Variants in DOK7 observed in about 807,000 individuals in gnomAD.
DOK7 encodes the protein protein Dok-7.
A neutral mutation model predicts 30.7 loss-of-function variants in DOK7; 32 were observed. The ratio of observed to expected loss-of-function variants is 1.04; its 90% CI spans 0.79 to 1.40. DOK7 has a LOEUF of 1.40. DOK7 is among the 40% of genes most tolerant of loss of function. DOK7 has a pLI of 0.00. For missense variants in DOK7, 1,007 were observed against 699.2 expected, an observed-to-expected ratio of 1.44 and a Z score of -4.97; for synonymous variants, 447 against 324.1, an observed-to-expected ratio of 1.38 and a Z score of -4.07.
At position 3,494,448 on chromosome 4, in the gene DOK7, T is replaced by C; in HGVS notation, c.*947T>C. On this transcript the variant is annotated 3_prime_UTR_variant, in exon 7 of 7. Transcript: ENST00000340083. ...AGCTGTTTCTAAACCCAGACACTGT[T>C]TGTAATAGACTGGAAATAAAATGTT... The C allele has an allele frequency of 1.0e-6, 1 of 978,808 alleles. No individual in the cohort carries two copies. Among genetic ancestry groups the C allele is most frequent in the Non-Finnish European group, 1.2e-6 (1 of 829,232 alleles). 60.6% of individuals were successfully genotyped at this position (978,808 alleles called of 1,614,324 possible).
At chr4:3,473,285 G>A in intron 2 of DOK7, 121 bp from the exon 3 acceptor site, 1 of 914,782 alleles carries the variant, frequency 1.1e-6, no homozygotes, top group Non-Finnish European at 1.7e-6. Flanking sequence ...GCATGGCTGA[G>A]TGGCTGGCTT....
Position 3,468,540 on chromosome 4 carries a change from ATGTG to A in DOK7, c.101-4859_101-4856del, listed in dbSNP as rs763888078. 7.0e-4 allele frequency among the ~76,000 whole-genome samples: 65 copies of A among 93,184 alleles called. 1 individual carries two copies. In the Middle Eastern group the frequency reaches 0.027, roughly 38 times the overall value. The allele number at this position is 93,184 out of a possible 152,430, so 61.1% of individuals were successfully genotyped here. The stretch of plus-strand genomic sequence containing the variant: ...TATGAGTGTGTGTGACTGTGAGTGT[ATGTG>A]TGTGTGCCTGTGTGAGCATGTATGA... On this transcript the variant is annotated intron_variant, in intron 2 of 6. Transcript: ENST00000340083.
intron 4 of DOK7, among the ~76,000 whole-genome samples, chr4:3,479,392 C>T (rs1560215115): frequency 1.3e-5 from 2 of 152,180 alleles, no homozygotes; most frequent in African/African-American, 4.8e-5. Context: ...ACCATTTGGC[C>T]GACAACTGGG....
chr4:3,489,750 G>A lies in DOK7; in HGVS notation c.726G>A (p.Glu242=). Residue 242 remains glutamate, a synonymous_variant, in exon 6 of 7, where the codon GAG becomes GAA. Transcript: ENST00000340083. ...AQEALETLQL[E]KRLSLLSHAG... is the part of the protein sequence containing the mutation. ...AAGCCCTGGAAACCCTACAGCTGGA[G>A]AAGCGGCTGAGCCTCCTCTCACATG... 1 of 1,570,950 alleles carries A rather than the reference G, an allele frequency of 6.4e-7. No homozygotes were observed. Among genetic ancestry groups the A allele is most frequent in the Non-Finnish European group, 8.6e-7 (1 of 1,157,988 alleles).
chr4:3,500,571 C>G, intron 7 of DOK7: 1 of 1,503,478 alleles, frequency 6.7e-7, no homozygotes, highest in Non-Finnish European at 8.9e-7. Context: ...GGCCACATCC[C>G]CTGAGGGTGT....
downstream of DOK7, among the ~76,000 whole-genome samples, chr4:3,498,105 G>C (rs1729010960): frequency 6.6e-6 from 1 of 152,192 alleles, no homozygotes; most frequent in African/African-American, 2.4e-5. Context: ...CCAAGTGGTA[G>C]CGTCGGGCTG....
In DOK7 at chr4:3,493,518, C is replaced by A. The variant is rs1728689311; in HGVS notation, c.*17C>A. The stretch of plus-strand genomic sequence containing the variant: ...CCTCCTTGAGAGCCGCAGATCCCGC[C>A]CCGCGGCTGCAAAGGGGCTGAATTT... On this transcript the variant is annotated 3_prime_UTR_variant, in exon 7 of 7. Coordinates refer to ENST00000340083, the MANE Select transcript of DOK7 (RefSeq NM_173660.5). The A allele has an allele frequency of 2.5e-6, 4 of 1,608,642 alleles. No homozygotes were observed. The East Asian group carries it at 9.0e-5, about 36-fold the overall frequency.
intron 2 of DOK7, 45 bp from the exon 3 acceptor site, chr4:3,473,361 G>A (rs766410767): frequency 1.6e-5 from 26 of 1,594,894 alleles, no homozygotes; most frequent in Non-Finnish European, 2.1e-5. Flanking sequence ...AAGGGTGCGG[G>A]CAGGCGGTGT....
chr4:3,500,116 G>A (rs1213822793), intron 6 of DOK7: 19 of 1,074,242 alleles, frequency 1.8e-5, no homozygotes, highest in East Asian at 5.2e-5. Context: ...AACATGGAGC[G>A]GGAACTTCCA....
At position 3,473,483 on chromosome 4, in the gene DOK7, G is replaced by C; in HGVS notation, c.178G>C (p.Glu60Gln). 1 of 1,611,234 alleles carries C rather than the reference G, an allele frequency of 6.2e-7. No homozygotes were observed. The highest frequency in any genetic ancestry group is 1.7e-5 in the Admixed American group (1 of 60,028). The change falls in exon 3 of 7, where the codon GAG (glutamate) becomes CAG (glutamine). Residue 60 changes from glutamate (E) to glutamine (Q), a missense_variant. Glu to Gln is a conservative substitution (Grantham distance 29). Transcript: ENST00000340083. Reference protein sequence around the residue: ...GLRERSSLTLEDICGLEPGLP... With the variant: ...GLRERSSLTLQDICGLEPGLP... ...GCGGGAGCGCAGCAGCCTGACGCTA[G>C]AGGACATCTGCGGGCTGGAGCCCGG...
downstream of DOK7, chr4:3,494,568 G>A (rs544063402): frequency 2.7e-4 from 265 of 967,466 alleles, no homozygotes; most frequent in Middle Eastern, 5.3e-4. Context: ...CGAAGTCCCC[G>A]GGCCCGGCTT....
chr4:3,493,969 GCCACCTGGGCT>G lies in DOK7; in HGVS notation c.*474_*484del, dbSNP rs1023078018. 10 of 993,486 alleles carry G rather than the reference GCCACCTGGGCT, an allele frequency of 1.0e-5. No individual in the cohort carries two copies. The African/African-American group carries it at 1.8e-4, about 18-fold the overall frequency. The allele number at this position is 993,486 out of a possible 1,614,324, so 61.5% of individuals were successfully genotyped here. A position where few individuals can be genotyped will look rare whatever the true frequency, so the allele number is the denominator to read the frequency against. On this transcript the variant is annotated 3_prime_UTR_variant, in exon 7 of 7. Transcript: ENST00000340083. ...GCATCAAGCTACCACAGAGGCTCCG[GCCACCTGGGCT>G]CCACCAGCCCAGCCCCCCTGGGCTC...
At chr4:3,496,571 G>A (rs1442440999), downstream of DOK7, among the ~76,000 whole-genome samples, 1 of 152,228 alleles carries the variant, frequency 6.6e-6, no homozygotes, top group Admixed American at 6.5e-5. Flanking sequence ...GCTCCCCCAT[G>A]GGTGGTTATG....
At chr4:3,490,448 C>CCTGCTCATTCCTTTCTTCTCCCT (rs1728239868) in intron 6 of DOK7, among the ~76,000 whole-genome samples, 1 of 101,616 alleles carries the variant, frequency 9.8e-6, no homozygotes, top group African/African-American at 4.2e-5. Flanking sequence ...TCATTTCTCT[C>CCTGCTCATTCCTTTCTTCTCCCT]CTGCTCATTC....
At chr4:3,487,000 A>C (rs1052146303) in intron 5 of DOK7, among the ~76,000 whole-genome samples, 1 of 151,998 alleles carries the variant, frequency 6.6e-6, no homozygotes, top group African/African-American at 2.4e-5. Flanking sequence ...CAGCCACTAG[A>C]TGGGACAGGC....
chr4:3,488,980 C>T (rs866868357), intron 5 of DOK7, among the ~76,000 whole-genome samples: 4 of 152,188 alleles, frequency 2.6e-5, no homozygotes, highest in Non-Finnish European at 4.4e-5. Context: ...TGCTGAGGCT[C>T]GCAGCAGCGG....
rs1344117952 is a variant in DOK7, at chr4:3,491,318, C to G, written c.773-1441C>G. On this transcript the variant is annotated intron_variant, in intron 6 of 6. Coordinates refer to ENST00000340083, the MANE Select transcript of DOK7 (RefSeq NM_173660.5). The stretch of plus-strand genomic sequence containing the variant: ...CCGCTCATTCATTCCTGCCTTCTCC[C>G]CCTGCTCATTCATTCCTTCCTTCTT... Among the ~76,000 whole-genome samples, 85 of 129,026 alleles carry G rather than the reference C, an allele frequency of 6.6e-4. 1 individual carries two copies. The highest frequency in any genetic ancestry group is 2.0e-3 in the African/African-American group (69 of 34,894). 84.6% of individuals were successfully genotyped at this position (129,026 alleles called of 152,430 possible). A position where few individuals can be genotyped will look rare whatever the true frequency, so the allele number is the denominator to read the frequency against.
chr4:3,463,379 A>G lies in DOK7; in HGVS notation c.4A>G (p.Thr2Ala). ...CGGCGCGGAACCATGACAGAAGATG[A>G]CCGAGGCGGCGCTGGTGGAGGGCCA... Reference protein sequence around the residue: MTEAALVEGQVK... With the variant: MAEAALVEGQVK... The change falls in exon 1 of 7, where the codon ACC becomes GCC. Residue 2 changes from threonine (T) to alanine (A), a missense_variant. Thr to Ala is a moderately conservative substitution (Grantham distance 58). Coordinates refer to ENST00000340083, the MANE Select transcript of DOK7 (RefSeq NM_173660.5). The G allele has an allele frequency of 1.4e-6, 2 of 1,446,104 alleles. No homozygotes were observed. The highest frequency in any genetic ancestry group is 2.6e-5 in the Admixed American group (1 of 38,948). The allele number at this position is 1,446,104 out of a possible 1,614,324, so 89.6% of individuals were successfully genotyped here.
At chr4:3,464,169 C>T (rs1420504508) in intron 2 of DOK7, among the ~76,000 whole-genome samples, 2 of 152,150 alleles carry the variant, frequency 1.3e-5, no homozygotes, top group Admixed American at 6.5e-5. Context: ...AGGGCTGAGC[C>T]GGGCCTGCAG....
Sources: gnomAD v4.1 joint callset for allele counts (sites outside exome capture counted in the v4.1 genomes callset) on GRCh38, gnomAD v4.1.1 for gene constraint, MANE v1.5 for transcripts, NCBI Gene and HGNC (gene_info 2026-07-23, HGNC 2026-07-21) for gene names.